SLMAP: variants seen among roughly 807,000 people sequenced by gnomAD.
The protein encoded by SLMAP is sarcolemma associated protein.
In SLMAP, 44 loss-of-function variants were observed where a neutral mutation model predicts 128.8. The observed-to-expected ratio is 0.34, with a 90% CI of 0.27 to 0.44. The LOEUF (loss-of-function observed/expected upper bound fraction) is 0.44, where lower values mean the gene tolerates loss of function less well. SLMAP is among the 20% of genes least tolerant of loss of function. The pLI is 1.00. For missense variants in SLMAP, 787 were observed against 985.3 expected (o/e 0.80, Z 2.69); for synonymous variants, 327 against 348.8 (o/e 0.94, Z 0.70).
Position 57,864,615 on chromosome 3 carries a change from A to C in SLMAP, c.1034A>C (p.Lys345Thr). 1 of 1,596,494 alleles carries C rather than the reference A, an allele frequency of 6.3e-7. No individual in the cohort carries two copies. Reference protein sequence around the residue: ...GQAEKKELQHKIDEMEEKEQE... With the variant: ...GQAEKKELQHTIDEMEEKEQE... ...GCTGAGAAAAAAGAATTACAACATA[A>C]AATAGATGAAATGGAAGAAAAAGAA... The change falls in exon 11 of 25, where the codon AAA becomes ACA. Residue 345 changes from lysine to threonine, a missense_variant. By Grantham distance (78) the Lys-to-Thr change is moderately conservative. Around this residue, in one of 2 missense-constraint regions of SLMAP, gnomAD observed 715 missense variants for 843.6 expected, o/e 0.85. Transcript: ENST00000671191.
In SLMAP at chr3:57,886,980, A is replaced by C. The variant is rs183301377; in HGVS notation, c.1301-3061A>C. 1.4e-3 allele frequency among the ~76,000 whole-genome samples: 219 copies of C among 152,188 alleles called. 1 individual carries two copies. Among genetic ancestry groups the C allele is most frequent in the African/African-American group, 4.6e-3 (192 of 41,500 alleles). On this transcript the variant is annotated intron_variant, in intron 14 of 24. Coordinates refer to ENST00000671191, the MANE Select transcript of SLMAP (RefSeq NM_001377540.1). ...GTATAGGGTTTTTGTTGGGTAATGA[A>C]AATGTTTTGGAACTAGGCACAACAT...
chr3:57,836,865 G>T (rs2093664776), intron 3 of SLMAP, among the ~76,000 whole-genome samples: 1 of 152,228 alleles, frequency 6.6e-6, no homozygotes, highest in Non-Finnish European at 1.5e-5. Flanking sequence ...ACTGCTTAAA[G>T]AGTGAGTTTT....
intron 2 of SLMAP, among the ~76,000 whole-genome samples, chr3:57,761,106 T>C (rs1273472344): frequency 6.6e-6 from 1 of 151,500 alleles, no homozygotes; most frequent in East Asian, 1.9e-4. Flanking sequence ...ATTATATAAA[T>C]CACTTAGCAC....
chr3:57,926,941 G>GTCTA (rs538364320), intron 24 of SLMAP, among the ~76,000 whole-genome samples: 57 of 152,162 alleles, frequency 3.7e-4, no homozygotes, highest in Admixed American at 9.8e-4. Flanking sequence ...TACTACAGGT[G>GTCTA]TCTATATACA....
intron 2 of SLMAP, among the ~76,000 whole-genome samples, chr3:57,794,616 C>G (rs1328219794): frequency 6.6e-6 from 1 of 152,184 alleles, no homozygotes; most frequent in Non-Finnish European, 1.5e-5. Flanking sequence ...CAGACCCTGG[C>G]AACCACTAAT....
intron 13 of SLMAP, among the ~76,000 whole-genome samples, chr3:57,869,630 T>TTATATGTATATATATATA (rs1553900185): frequency 2.8e-4 from 21 of 75,464 alleles, no homozygotes; most frequent in African/African-American, 1.1e-3. Context: ...CCCATCTCTA[T>TTATATGTATATATATATA]TATATATATA....
intron 14 of SLMAP, among the ~76,000 whole-genome samples, chr3:57,877,732 A>G (rs150438946): frequency 1.6e-3 from 238 of 151,468 alleles, no homozygotes; most frequent in Middle Eastern, 0.01. Context: ...TGGTATGTGT[A>G]CTGTTGCTTT....
chr3:57,912,289 T>C (rs2096719344), intron 19 of SLMAP, 92 bp from the exon 20 acceptor site: 10 of 1,076,698 alleles, frequency 9.3e-6, no homozygotes, highest in Non-Finnish European at 1.2e-5. Context: ...AAGCAACAGC[T>C]CTGACAACCC....
intron 22 of SLMAP, chr3:57,918,592 T>G (rs1015209339): frequency 6.6e-6 from 1 of 152,232 alleles, no homozygotes; most frequent in Non-Finnish European, 1.5e-5. Context: ...GCTCTCTTTC[T>G]GTTTGTCCAG....
In SLMAP at chr3:57,757,663, C is replaced by T. The variant is rs1234404409; in HGVS notation, c.12C>T (p.Ala4=). 3.1e-6 allele frequency: 5 copies of T among 1,614,116 alleles called. No homozygotes were observed. Among genetic ancestry groups the T allele is most frequent in the Non-Finnish European group, 4.2e-6 (5 of 1,180,026 alleles). The change falls in exon 2 of 25, where the codon GCC becomes GCT. Residue 4 remains alanine, a synonymous_variant. Coordinates refer to ENST00000671191, the MANE Select transcript of SLMAP (RefSeq NM_001377540.1). ...CCAGTCTATCCTCGATGCCGTCAGC[C>T]TTGGCCATCTTCACTTGCCGCCCGA... MPS[A]LAIFTCRPNS... is the part of the protein sequence containing the mutation.
At chr3:57,818,813 A>G (rs898506243) in intron 2 of SLMAP, among the ~76,000 whole-genome samples, 10 of 152,224 alleles carry the variant, frequency 6.6e-5, no homozygotes, top group African/African-American at 2.4e-4. Flanking sequence ...AAAAATGTCT[A>G]GGGACTTATG....
chr3:57,925,623 T>A (rs921077308), intron 23 of SLMAP, among the ~76,000 whole-genome samples: 8 of 152,148 alleles, frequency 5.3e-5, no homozygotes. Context: ...GCCTAACGGT[T>A]CCTAGCTATT....
chr3:57,892,771 A>G (rs2096116718), intron 15 of SLMAP, among the ~76,000 whole-genome samples: 1 of 149,022 alleles, frequency 6.7e-6, no homozygotes, highest in African/African-American at 2.5e-5. Flanking sequence ...GTAACAAGAC[A>G]CTGTCTCTTA....
At chr3:57,789,136 C>T (rs2084894744) in intron 2 of SLMAP, among the ~76,000 whole-genome samples, 1 of 152,118 alleles carries the variant, frequency 6.6e-6, no homozygotes, top group Non-Finnish European at 1.5e-5. Flanking sequence ...TGAAATCTTA[C>T]TGAGTTGAAT....
intron 4 of SLMAP, among the ~76,000 whole-genome samples, chr3:57,846,838 C>A (rs2094281331): frequency 6.6e-6 from 1 of 152,098 alleles, no homozygotes; most frequent in African/African-American, 2.4e-5. Context: ...GAATTACAGG[C>A]ATGAGCCACC....
intron 2 of SLMAP, among the ~76,000 whole-genome samples, chr3:57,783,370 C>T (rs1471485170): frequency 1.3e-5 from 2 of 152,148 alleles, no homozygotes; most frequent in Admixed American, 1.3e-4. Context: ...GAGTAAAGGT[C>T]ATCTTTGTTA....
At chr3:57,896,850 A>G (rs747811578) in intron 16 of SLMAP, 23 bp from the exon 17 acceptor site, 1 of 1,582,302 alleles carries the variant, frequency 6.3e-7, no homozygotes, top group Admixed American at 1.9e-5. Flanking sequence ...GTAATTATAT[A>G]TGTATTTTTT....
chr3:57,806,040 T>G (rs562426081), intron 2 of SLMAP, among the ~76,000 whole-genome samples: 6 of 144,018 alleles, frequency 4.2e-5, no homozygotes, highest in South Asian at 4.3e-4. Flanking sequence ...GTTTGTTTTG[T>G]TTTTTTTTTG....
chr3:57,839,340 A>G (rs2093802093), intron 3 of SLMAP, among the ~76,000 whole-genome samples: 1 of 151,674 alleles, frequency 6.6e-6, no homozygotes, highest in Admixed American at 6.6e-5. Flanking sequence ...TTTAATGTGC[A>G]TTTCCAGATG....
Sources: allele counts gnomAD v4.1 joint callset (sites outside exome capture counted in the v4.1 genomes callset), GRCh38; gene constraint gnomAD v4.1.1; regional missense constraint gnomAD v4.1.1; transcripts MANE v1.5; gene names NCBI Gene and HGNC (gene_info 2026-07-23, HGNC 2026-07-21).